The following PPM1D variants were observed in gnomAD, a reference collection of about 807,000 sequenced individuals.
PPM1D encodes the protein protein phosphatase 1D.
A neutral mutation model predicts 58.3 loss-of-function variants in PPM1D; 52 were observed. The ratio of observed to expected loss-of-function variants is 0.89; its 90% CI spans 0.71 to 1.12. The LOEUF (loss-of-function observed/expected upper bound fraction) is 1.12. Among genes scored for constraint, PPM1D ranks in the 50% most tolerant of loss-of-function variants. The pLI is 0.00. For synonymous variants in PPM1D, 278 were observed against 285.1 expected, an observed-to-expected ratio of 0.98 and a Z score of 0.25; for missense variants, 564 against 777.2, an observed-to-expected ratio of 0.73 and a Z score of 3.26.
At position 60,663,236 on chromosome 17, in the gene PPM1D, C is replaced by T. The variant is rs2031559899; in HGVS notation, c.1502C>T (p.Thr501Ile). 1 of 1,614,144 alleles carries T rather than the reference C, an allele frequency of 6.2e-7. No homozygotes were observed. Residue 501 changes from threonine (T) to isoleucine (I), a missense_variant, in exon 6 of 6, where the codon ACT becomes ATT. Around this residue, in one of 7 missense-constraint regions of PPM1D, gnomAD observed 261 missense variants for 270.1 expected, o/e 0.97. Coordinates refer to ENST00000305921, the MANE Select transcript of PPM1D (RefSeq NM_003620.4). ...NNSLPIGLVP[T>I]NSTNTVMDQK... ...AGCCTTCCAATTGGCCTTGTGCCTA[C>T]TAATTCAACAAACACTGTCATGGAC... is the stretch of plus-strand genomic sequence containing the variant.
At chr17:60,640,010 T>G (rs1015361044) in intron 3 of PPM1D, among the ~76,000 whole-genome samples, 2 of 152,156 alleles carry the variant, frequency 1.3e-5, no homozygotes, top group Admixed American at 1.3e-4. Flanking sequence ...TACTGCATTT[T>G]ATAGGCAGTG....
intron 3 of PPM1D, among the ~76,000 whole-genome samples, chr17:60,641,150 T>C (rs186893612): frequency 7.2e-4 from 109 of 152,348 alleles, no homozygotes; most frequent in Non-Finnish European, 1.0e-3. Context: ...ATGGTAGTTC[T>C]AAGTTCTTTG....
At chr17:60,645,445 G>A (rs1348978230) in intron 3 of PPM1D, among the ~76,000 whole-genome samples, 1 of 134,232 alleles carries the variant, frequency 7.4e-6, no homozygotes, top group East Asian at 2.1e-4. Context: ...CCAAAGCAAT[G>A]TAAAATATAT....
intron 1 of PPM1D, among the ~76,000 whole-genome samples, chr17:60,614,066 G>A (rs922872345): frequency 2.8e-5 from 4 of 145,116 alleles, no homozygotes; most frequent in African/African-American, 4.9e-5. Context: ...CTGCGGCCCC[G>A]GTGCGGGATC....
intron 2 of PPM1D, 93 bp from the exon 3 acceptor site, chr17:60,633,760 T>C (rs1049505105): frequency 2.4e-6 from 3 of 1,231,776 alleles, no homozygotes; most frequent in Non-Finnish European, 3.4e-6. Context: ...TGTAATAATG[T>C]AGTCTTATTT....
At chr17:60,654,037 G>T (rs192350912) in intron 4 of PPM1D, among the ~76,000 whole-genome samples, 6 of 152,008 alleles carry the variant, frequency 3.9e-5, no homozygotes, top group African/African-American at 1.4e-4. Flanking sequence ...TTGCCTAATT[G>T]CTCTGGCCGG....
chr17:60,629,042 A>G (rs548156409), intron 2 of PPM1D, among the ~76,000 whole-genome samples: 14 of 152,194 alleles, frequency 9.2e-5, no homozygotes, highest in Non-Finnish European at 1.9e-4. Flanking sequence ...GACCAGGCTT[A>G]AGACCCTTCT....
In PPM1D at chr17:60,663,603, T is replaced by C; in HGVS notation, c.*51T>C. 6.5e-7 allele frequency: 1 copy of C among 1,539,598 alleles called. No homozygotes were observed. Among genetic ancestry groups the C allele is most frequent in the Non-Finnish European group, 8.7e-7 (1 of 1,147,640 alleles). On this transcript the variant is annotated 3_prime_UTR_variant, in exon 6 of 6. Coordinates refer to ENST00000305921, the MANE Select transcript of PPM1D (RefSeq NM_003620.4). The stretch of plus-strand genomic sequence containing the variant: ...CCAAACTTAGGATATAAGAGGGCTT[T>C]TTAAATTTGGTGCCGATGTTGAACT...
intron 1 of PPM1D, among the ~76,000 whole-genome samples, chr17:60,616,698 T>A (rs2030592505): frequency 6.6e-6 from 1 of 152,208 alleles, no homozygotes; most frequent in Admixed American, 6.5e-5. Context: ...GAAATAGATC[T>A]AAGGCAAAAT....
At chr17:60,600,918 CT>C in intron 1 of PPM1D, 32 bp downstream of exon 1, 1 of 1,612,312 alleles carries the variant, frequency 6.2e-7, no homozygotes, top group Non-Finnish European at 8.5e-7. Flanking sequence ...GCGCCCGCCC[CT>C]TTTTCAGGCA....
At chr17:60,604,114 T>C (rs1472719100) in intron 1 of PPM1D, among the ~76,000 whole-genome samples, 1 of 152,338 alleles carries the variant, frequency 6.6e-6, no homozygotes, top group Non-Finnish European at 1.5e-5. Context: ...CATTAGTTAT[T>C]TGGAAAATAA....
At chr17:60,630,732 C>A (rs1383483946) in intron 2 of PPM1D, among the ~76,000 whole-genome samples, 1 of 152,150 alleles carries the variant, frequency 6.6e-6, no homozygotes, top group African/African-American at 2.4e-5. Context: ...ATCATAATAT[C>A]TTTGAATATT....
At chr17:60,637,568 T>C (rs1168970808) in intron 3 of PPM1D, among the ~76,000 whole-genome samples, 1 of 152,216 alleles carries the variant, frequency 6.6e-6, no homozygotes, top group East Asian at 1.9e-4. Context: ...CCTATTTGGC[T>C]TCCCATTATA....
At chr17:60,619,613 TA>T (rs1205069585) in intron 1 of PPM1D, among the ~76,000 whole-genome samples, 2 of 152,150 alleles carry the variant, frequency 1.3e-5, no homozygotes, top group Non-Finnish European at 2.9e-5. Flanking sequence ...TTTATTTTTT[TA>T]ATTTTTTTTT....
chr17:60,628,899 A>G (rs2030865681), intron 2 of PPM1D, among the ~76,000 whole-genome samples: 1 of 152,136 alleles, frequency 6.6e-6, no homozygotes. Context: ...CATCTTTTAT[A>G]TTTTAATCTT....
At chr17:60,638,611 C>T (rs984848287) in intron 3 of PPM1D, among the ~76,000 whole-genome samples, 5 of 152,074 alleles carry the variant, frequency 3.3e-5, no homozygotes, top group Non-Finnish European at 7.4e-5. Context: ...TCAGTTGATC[C>T]GCCCACCTCT....
Position 60,663,411 on chromosome 17 carries a change from T to C in PPM1D, c.1677T>C (p.Ser559=). 1 of 1,614,194 alleles carries C rather than the reference T, an allele frequency of 6.2e-7. No homozygotes were observed. Among genetic ancestry groups the C allele is most frequent in the Non-Finnish European group, 8.5e-7 (1 of 1,180,048 alleles). ...KHRRNGLSRS[S]GAQPASLPTT... The stretch of plus-strand genomic sequence containing the variant: ...GACGAAATGGCTTAAGTCGAAGTAG[T>C]GGTGCTCAGCCTGCAAGTCTCCCCA... The change falls in exon 6 of 6, where the codon AGT becomes AGC. Residue 559 remains serine (S), a synonymous_variant. Transcript: ENST00000305921.
chr17:60,606,762 G>C (rs1474125225), intron 1 of PPM1D, among the ~76,000 whole-genome samples: 1 of 152,056 alleles, frequency 6.6e-6, no homozygotes, highest in Non-Finnish European at 1.5e-5. Context: ...GGGAGATTTG[G>C]TAAATACAGT....
Position 60,648,187 on chromosome 17 carries a change from T to C in PPM1D, c.1017+105T>C. ...AGGACATTGACCTTGGGTAGATTTT[T>C]GCATTTGCCTTGATCTGCTAGTGGG... is the stretch of plus-strand genomic sequence containing the variant. On this transcript the variant is annotated intron_variant, in intron 4 of 5. Transcript: ENST00000305921. 4 of 1,258,648 alleles carry C rather than the reference T, an allele frequency of 3.2e-6. No individual in the cohort carries two copies. The South Asian group carries it at 6.3e-5, about 20-fold the overall frequency. The allele number at this position is 1,258,648 out of a possible 1,614,324, so 78.0% of individuals were successfully genotyped here. A position where few individuals can be genotyped will look rare whatever the true frequency, so the allele number is the denominator to read the frequency against.
Sources: allele counts gnomAD v4.1 joint callset (sites outside exome capture counted in the v4.1 genomes callset), GRCh38; gene constraint gnomAD v4.1.1; regional missense constraint gnomAD v4.1.1; transcripts MANE v1.5; gene names NCBI Gene and HGNC (gene_info 2026-07-23, HGNC 2026-07-21).